NSUN2: variants seen among roughly 807,000 people sequenced by gnomAD.
NSUN2 encodes NOP2/Sun RNA methyltransferase 2, also known as RNA cytosine C(5)-methyltransferase NSUN2.
A neutral mutation model predicts 92.7 loss-of-function variants in NSUN2; 63 were observed. The ratio of observed to expected loss-of-function variants is 0.68; its 90% CI spans 0.56 to 0.84. NSUN2 has a LOEUF of 0.84. NSUN2 is among the 40% of genes least tolerant of loss of function. The pLI is 0.00. For missense variants in NSUN2, 989 were observed against 964.9 expected, an observed-to-expected ratio of 1.02 and a Z score of -0.33; for synonymous variants, 356 against 348.3, an observed-to-expected ratio of 1.02 and a Z score of -0.25.
At chr5:6,604,888 A>G in intron 15 of NSUN2, 2 of 612,372 alleles carry the variant, frequency 3.3e-6, no homozygotes, top group South Asian at 4.0e-5. Flanking sequence ...CAAATGAAAG[A>G]AGGGCCCCCA....
chr5:6,614,651 C>T (rs3822431), intron 9 of NSUN2, among the ~76,000 whole-genome samples: 88,871 of 151,918 alleles, frequency 0.58, 26,737 homozygotes, highest in Non-Finnish European at 0.67. Context: ...AACGTTGGCA[C>T]GTTCAGGAAA....
chr5:6,632,357 A>AT (rs1384647372), intron 2 of NSUN2, among the ~76,000 whole-genome samples: 1 of 152,154 alleles, frequency 6.6e-6, no homozygotes, highest in Admixed American at 6.5e-5. Context: ...CTCCTGGAAG[A>AT]TTCCCCAGGA....
At chr5:6,627,620 T>C (rs1291276780) in intron 3 of NSUN2, among the ~76,000 whole-genome samples, 3 of 152,254 alleles carry the variant, frequency 2.0e-5, no homozygotes, top group Non-Finnish European at 4.4e-5. Context: ...GTGAAGGCTG[T>C]TGATCTCATG....
intron 17 of NSUN2, among the ~76,000 whole-genome samples, chr5:6,603,418 G>A (rs548455372): frequency 6.6e-6 from 1 of 152,348 alleles, no homozygotes; most frequent in African/African-American, 2.4e-5. Context: ...CTGGCTGGGC[G>A]CGGTGGCCCA....
At position 6,632,615 on chromosome 5, in the gene NSUN2, T is replaced by C. The variant is rs779106232; in HGVS notation, c.238A>G (p.Ile80Val). The change falls in exon 2 of 19, where the codon ATT (isoleucine) becomes GTT (valine). Residue 80 changes from isoleucine to valine, a missense_variant. By Grantham distance (29) the Ile-to-Val change is conservative. Coordinates refer to ENST00000264670, the MANE Select transcript of NSUN2 (RefSeq NM_017755.6). ...LREPLPATLR[I>V]TGYKSHAKEI... ...CCTCCCTACCTTTTGTAACCAGTAA[T>C]TCTTAAAGTGGCCGGGAGCGGCTCC... The C allele has an allele frequency of 3.7e-6, 6 of 1,614,110 alleles. No homozygotes were observed. The highest frequency in any genetic ancestry group is 3.3e-5 in the South Asian group (3 of 91,082).
intron 9 of NSUN2, among the ~76,000 whole-genome samples, chr5:6,616,253 G>C (rs532011787): frequency 1.5e-3 from 221 of 152,272 alleles, no homozygotes; most frequent in African/African-American, 5.2e-3. Context: ...AAGAAACCCA[G>C]ATGTCCATCA....
chr5:6,626,523 A>G (rs753769979), intron 3 of NSUN2, among the ~76,000 whole-genome samples: 61 of 151,918 alleles, frequency 4.0e-4, no homozygotes, highest in Non-Finnish European at 7.6e-4. Flanking sequence ...ACAGACGTGT[A>G]TTTTCAGTAG....
chr5:6,632,495 C>G lies in NSUN2; in HGVS notation c.254+104G>C, dbSNP rs1394372346. ...TTCCTGAATCCAAACCGCTGAAACG[C>G]CACGGTTCTCTGGCACTGTAACACT... On this transcript the variant is annotated intron_variant, in intron 2 of 18. Coordinates refer to ENST00000264670, the MANE Select transcript of NSUN2 (RefSeq NM_017755.6). 5 of 1,366,864 alleles carry G rather than the reference C, an allele frequency of 3.7e-6. No homozygotes were observed. In the East Asian group the frequency reaches 1.2e-4, roughly 32 times the overall value. 84.7% of individuals were successfully genotyped at this position (1,366,864 alleles called of 1,614,324 possible).
At chr5:6,613,918 G>C (rs892923404) in intron 9 of NSUN2, among the ~76,000 whole-genome samples, 2 of 151,954 alleles carry the variant, frequency 1.3e-5, no homozygotes, top group African/African-American at 4.8e-5. Context: ...CCAACATGGT[G>C]AAACCCCGTC....
chr5:6,604,674 C>T lies in NSUN2; in HGVS notation c.1749G>A (p.Thr583=), dbSNP rs13181449. 0.2 allele frequency: 326,215 copies of T among 1,611,756 alleles called. 35,911 individuals are homozygous for T. The highest frequency in any genetic ancestry group is 0.42 in the East Asian group (19,051 of 44,826). Residue 583 remains threonine (T), a synonymous_variant, in exon 16 of 19, where the codon ACG becomes ACA. Coordinates refer to ENST00000264670, the MANE Select transcript of NSUN2 (RefSeq NM_017755.6). ...TATTTCTACACCAGACTTTGATCCC[C>T]GTGTTAATAACCTGTAAGTAAAAAA... ...NNSEKMKVIN[T]GIKVWCRNNS...
At position 6,632,669 on chromosome 5, in the gene NSUN2, C is replaced by G. The variant is rs766161439; in HGVS notation, c.184G>C (p.Glu62Gln). The change falls in exon 2 of 19, where the codon GAG (glutamate) becomes CAG (glutamine). Residue 62 changes from glutamate to glutamine, a missense_variant. Around this residue, in one of 3 missense-constraint regions of NSUN2, gnomAD observed 356 missense variants for 338.6 expected, o/e 1.05. Transcript: ENST00000264670. ...AGAGCGTCCATGAACTGGCCCCACTCGCCCTCGGGCACGATCTTGAGCTCC... is the reference window on the plus strand; with the variant it reads ...AGAGCGTCCATGAACTGGCCCCACTGGCCCTCGGGCACGATCTTGAGCTCC... ...YQELKIVPEG[E>Q]WGQFMDALRE... is the part of the protein sequence containing the mutation. The G allele has an allele frequency of 6.2e-7, 1 of 1,614,192 alleles. No homozygotes were observed. The highest frequency in any genetic ancestry group is 1.1e-5 in the South Asian group (1 of 91,084).
intron 8 of NSUN2, 97 bp downstream of exon 8, chr5:6,617,853 A>T: frequency 1.1e-6 from 1 of 903,294 alleles, no homozygotes. Flanking sequence ...TGATGCTTAC[A>T]GCTCTCTAAT....
chr5:6,604,166 A>T lies in NSUN2; in HGVS notation c.1929T>A (p.Ser643Arg). The T allele has an allele frequency of 6.2e-7, 1 of 1,614,044 alleles. No individual in the cohort carries two copies. The highest frequency in any genetic ancestry group is 8.5e-7 in the Non-Finnish European group (1 of 1,179,954). The stretch of plus-strand genomic sequence containing the variant: ...GGTCCTTTGCTTGACTGTAGGTCTC[A>T]CTGCTGAGTTTTCTAAAAAAGGGAT... Reference protein sequence around the residue: ...QENPFFRKLSSETYSQAKDLA... With the variant: ...QENPFFRKLSRETYSQAKDLA... Residue 643 changes from serine to arginine, a missense_variant, in exon 17 of 19, where the codon AGT becomes AGA. Coordinates refer to ENST00000264670, the MANE Select transcript of NSUN2 (RefSeq NM_017755.6).
intron 17 of NSUN2, among the ~76,000 whole-genome samples, chr5:6,603,648 C>T (rs1300669972): frequency 6.6e-6 from 1 of 152,160 alleles, no homozygotes; most frequent in Non-Finnish European, 1.5e-5. Flanking sequence ...CGAGATCGTG[C>T]CACTGTACTC....
At chr5:6,614,643 C>T (rs1444908504) in intron 9 of NSUN2, among the ~76,000 whole-genome samples, 1 of 152,156 alleles carries the variant, frequency 6.6e-6, no homozygotes, top group East Asian at 1.9e-4. Context: ...CTCCTTCAAA[C>T]GTTGGCACGT....
chr5:6,600,193 T>A lies in NSUN2; in HGVS notation c.2037A>T (p.Gly679=), dbSNP rs1208243094. The change falls in exon 19 of 19, where the codon GGA becomes GGT. Residue 679 remains glycine (G), a synonymous_variant. Coordinates refer to ENST00000264670, the MANE Select transcript of NSUN2 (RefSeq NM_017755.6). ...TTCGAATGGAGGCCTTTCCCCGCCA[T>A]CCGCATAAGACGATGGGACACTGCA... The part of the protein sequence containing the change: ...DALQCPIVLC[G]WRGKASIRTF... 4 of 1,614,184 alleles carry A rather than the reference T, an allele frequency of 2.5e-6. No homozygotes were observed. Among genetic ancestry groups the A allele is most frequent in the Middle Eastern group, 1.6e-4 (1 of 6,062 alleles).
In NSUN2 at chr5:6,604,596, C is replaced by G; in HGVS notation, c.1818+9G>C. The G allele has an allele frequency of 1.9e-6, 3 of 1,613,664 alleles. No homozygotes were observed. Among genetic ancestry groups the G allele is most frequent in the Non-Finnish European group, 2.5e-6 (3 of 1,179,576 alleles). ...GGCTACTGCTGTTCAAATCCACTTC[C>G]AAAATTACCTCCTGTGCCAGCCGGA... is the stretch of plus-strand genomic sequence containing the variant. On this transcript the variant is annotated intron_variant, in intron 16 of 18. Coordinates refer to ENST00000264670, the MANE Select transcript of NSUN2 (RefSeq NM_017755.6).
In NSUN2 at chr5:6,607,341, C is replaced by T; in HGVS notation, c.1367G>A (p.Ser456Asn). The T allele has an allele frequency of 1.2e-6, 2 of 1,614,108 alleles. No homozygotes were observed. The highest frequency in any genetic ancestry group is 1.1e-5 in the South Asian group (1 of 91,080). The stretch of plus-strand genomic sequence containing the variant: ...TTTCCCTTCTGTGAGATCTGCAGGG[C>T]TCAGCTGTGTGCTTTCTCTGGTCTC... ...SAETRESTQLSPADLTEGKPT... is the reference protein window; with the variant it reads ...SAETRESTQLNPADLTEGKPT... The change falls in exon 13 of 19, where the codon AGC becomes AAC. Residue 456 changes from serine to asparagine, a missense_variant. Physicochemically the swap from Ser to Asn is conservative, Grantham distance 46. Transcript: ENST00000264670.
At chr5:6,609,512 T>C (rs556053114) in intron 12 of NSUN2, among the ~76,000 whole-genome samples, 13 of 152,352 alleles carry the variant, frequency 8.5e-5, no homozygotes, top group African/African-American at 2.9e-4. Context: ...CACAGAAACC[T>C]GGGGCTTCCA....
Sources: allele counts gnomAD v4.1 joint callset (sites outside exome capture counted in the v4.1 genomes callset), GRCh38; gene constraint gnomAD v4.1.1; regional missense constraint gnomAD v4.1.1; transcripts MANE v1.5; gene names NCBI Gene and HGNC (gene_info 2026-07-23, HGNC 2026-07-21).